Variants in CENPM observed in about 807,000 individuals in gnomAD.
CENPM encodes interphase centromere complex protein 39.
Under a neutral mutation model 19.6 loss-of-function variants are expected in CENPM, and 14 were observed. The ratio of observed to expected loss-of-function variants is 0.71; its 90% CI spans 0.47 to 1.11. The LOEUF is 1.11. Ranked by LOEUF, CENPM falls within the 50% of genes most tolerant of loss-of-function variation. The pLI, the probability that CENPM is intolerant of heterozygous loss-of-function variation, is 0.00. For synonymous variants in CENPM, 114 were observed against 101.5 expected (o/e 1.12, Z -0.74); for missense variants, 239 against 228.4 (o/e 1.05, Z -0.30).
At chr22:41,940,254 T>C in intron 5 of CENPM, 1 of 705,606 alleles carries the variant, frequency 1.4e-6, no homozygotes. Flanking sequence ...TATTTAGAAG[T>C]CCTGTTTGCA....
Position 41,946,442 on chromosome 22 carries a change from CT to C in CENPM, c.111del (p.Glu38ArgfsTer7). On this transcript the variant is annotated frameshift_variant, in exon 2 of 6. Coordinates refer to ENST00000215980, the MANE Select transcript of CENPM (RefSeq NM_024053.5). LOFTEE classifies it high-confidence loss of function. ...LLQQLADSML[K>X]EDCASELKVH... ...ACCTTCAGCTCGGAGGCGCAGTCCT[CT>C]TTGAGCATCGAGTCCGCCAGCTGCT... The C allele has an allele frequency of 6.2e-7, 1 of 1,613,090 alleles. No individual in the cohort carries two copies. Among genetic ancestry groups the C allele is most frequent in the South Asian group, 1.1e-5 (1 of 91,050 alleles).
chr22:41,941,086 T>A (rs2077734729), intron 5 of CENPM, among the ~76,000 whole-genome samples: 1 of 152,206 alleles, frequency 6.6e-6, no homozygotes, highest in Non-Finnish European at 1.5e-5. Context: ...GCAGGGCCAA[T>A]ATCTGACTCA....
chr22:41,942,630 A>C (rs2077751918), intron 5 of CENPM, among the ~76,000 whole-genome samples: 2 of 152,062 alleles, frequency 1.3e-5, no homozygotes, highest in African/African-American at 4.8e-5. Context: ...GGGTGCCGGT[A>C]GTCCCAGCTA....
At chr22:41,936,405 G>A (rs993959403), downstream of CENPM, among the ~76,000 whole-genome samples, 13 of 152,234 alleles carry the variant, frequency 8.5e-5, no homozygotes, top group African/African-American at 3.1e-4. Flanking sequence ...GGCCTCGACC[G>A]GAATCTACGT....
chr22:41,943,446 AG>A (rs1229197491), intron 5 of CENPM, among the ~76,000 whole-genome samples, 163 bp downstream of exon 5: 2 of 152,212 alleles, frequency 1.3e-5, no homozygotes, highest in African/African-American at 4.8e-5. Flanking sequence ...GCCAGTGAGT[AG>A]AAAAGCCACT....
At chr22:41,927,634 G>A in the CENPM span, among the ~76,000 whole-genome samples, 1 of 151,780 alleles carries the variant, frequency 6.6e-6, no homozygotes, top group Non-Finnish European at 1.5e-5. Flanking sequence ...CGAGTAACTG[G>A]GATTACAGGC....
intron 4 of CENPM, chr22:41,944,167 G>C (rs1203714604): frequency 1.0e-6 from 1 of 985,064 alleles, no homozygotes; most frequent in Non-Finnish European, 1.2e-6. Context: ...AGGACGGCCG[G>C]GTGCGGTGGC....
downstream of CENPM, among the ~76,000 whole-genome samples, chr22:41,934,781 G>A (rs1301110191): frequency 6.6e-6 from 1 of 152,178 alleles, no homozygotes; most frequent in Non-Finnish European, 1.5e-5. Context: ...CTTGCCGAGG[G>A]TGAGTGACCT....
the CENPM span, among the ~76,000 whole-genome samples, chr22:41,931,080 C>T: frequency 3.3e-5 from 5 of 151,746 alleles, no homozygotes; most frequent in Admixed American, 6.6e-5. Flanking sequence ...AAGCGACCTG[C>T]GCGCCTCGGC....
chr22:41,929,250 C>A, the CENPM span, among the ~76,000 whole-genome samples: 1 of 152,124 alleles, frequency 6.6e-6, no homozygotes, highest in African/African-American at 2.4e-5. Context: ...TGAGCCATAA[C>A]CCTGCCACCC....
At chr22:41,930,446 T>TG in the CENPM span, among the ~76,000 whole-genome samples, 1 of 152,166 alleles carries the variant, frequency 6.6e-6, no homozygotes, top group African/African-American at 2.4e-5. Flanking sequence ...CTAGCCAGGC[T>TG]GGTCTTGAAC....
At chr22:41,945,005 T>C (rs1904521692) in intron 4 of CENPM, 2 of 1,369,186 alleles carry the variant, frequency 1.5e-6, no homozygotes, top group Non-Finnish European at 1.9e-6. Context: ...TGTCATGGGG[T>C]TTGTTGTACA....
downstream of CENPM, among the ~76,000 whole-genome samples, chr22:41,934,412 C>T (rs984917410): frequency 6.6e-6 from 1 of 152,184 alleles, no homozygotes; most frequent in African/African-American, 2.4e-5. Context: ...CACCTTCCTT[C>T]CAGCTTATAA....
the CENPM span, among the ~76,000 whole-genome samples, chr22:41,930,037 A>G: frequency 3.3e-4 from 43 of 129,164 alleles, no homozygotes; most frequent in Admixed American, 2.3e-3. Context: ...TCCGCCTCCC[A>G]GGTTCACGCC....
intron 5 of CENPM, 39 bp downstream of exon 5, chr22:41,943,571 C>T (rs1243649618): frequency 1.9e-6 from 3 of 1,570,166 alleles, no homozygotes; most frequent in Non-Finnish European, 2.6e-6. Flanking sequence ...TTTCCCCGCA[C>T]CCGAGTATAG....
Position 41,943,721 on chromosome 22 carries a change from G to A in CENPM, c.311-20C>T. The A allele has an allele frequency of 1.2e-6, 2 of 1,604,926 alleles. No individual in the cohort carries two copies. Among genetic ancestry groups the A allele is most frequent in the Non-Finnish European group, 1.7e-6 (2 of 1,173,316 alleles). On this transcript the variant is annotated intron_variant, in intron 4 of 5. Coordinates refer to ENST00000215980, the MANE Select transcript of CENPM (RefSeq NM_024053.5). The stretch of plus-strand genomic sequence containing the variant: ...GCCCAGCTGGAAAGAAGCCATGAGT[G>A]CTATAGCTGCAATCTCTACCTTCCT...
chr22:41,940,343 G>C (rs546303169), intron 5 of CENPM: 39 of 575,946 alleles, frequency 6.8e-5, no homozygotes, highest in African/African-American at 6.5e-4. Context: ...TTTCCAGCAC[G>C]TCATTTACCC....
Position 41,945,267 on chromosome 22 carries a change from C to T in CENPM, c.268G>A (p.Ala90Thr). 1 of 1,613,954 alleles carries T rather than the reference C, an allele frequency of 6.2e-7. No individual in the cohort carries two copies. Among genetic ancestry groups the T allele is most frequent in the South Asian group, 1.1e-5 (1 of 91,064 alleles). ...CACACCTTCCCCAAGAAGAAGCTGG[C>T]ATCCACATGGCGCAGGGACTCCTCT... ...NTEESLRHVD[A>T]SFFLGKVCFL... is the part of the protein sequence containing the mutation. Residue 90 changes from alanine to threonine, a missense_variant, in exon 4 of 6, where the codon GCC (alanine) becomes ACC (threonine). Coordinates refer to ENST00000215980, the MANE Select transcript of CENPM (RefSeq NM_024053.5).
At position 41,945,396 on chromosome 22, in the gene CENPM, G is replaced by A. The variant is rs199718008; in HGVS notation, c.231-92C>T. 1,366 of 1,570,268 alleles carry A rather than the reference G, an allele frequency of 8.7e-4. 17 individuals carry two copies. Among genetic ancestry groups the A allele is most frequent in the South Asian group, 7.4e-3 (641 of 86,272 alleles). On this transcript the variant is annotated intron_variant, in intron 3 of 5. Coordinates refer to ENST00000215980, the MANE Select transcript of CENPM (RefSeq NM_024053.5). Reference sequence around the variant, plus strand: ...AGTCCTTGCTTCTCTGATCCTAGAGGCCAGAGAATGACAAGAGGGTGACTT... The same window carrying A: ...AGTCCTTGCTTCTCTGATCCTAGAGACCAGAGAATGACAAGAGGGTGACTT...
Sources: allele counts gnomAD v4.1 joint callset (sites outside exome capture counted in the v4.1 genomes callset), GRCh38; gene constraint gnomAD v4.1.1; transcripts MANE v1.5; gene names NCBI Gene and HGNC (gene_info 2026-07-23, HGNC 2026-07-21).